Variants in RBFOX1 observed in about 807,000 individuals in gnomAD.
The protein encoded by RBFOX1 is RNA binding protein fox-1 homolog 1.
Under a neutral mutation model 57.7 loss-of-function variants are expected in RBFOX1, and 8 were observed. The ratio of observed to expected loss-of-function variants is 0.14; its 90% CI spans 0.08 to 0.25. The LOEUF (loss-of-function observed/expected upper bound fraction) is 0.25. Ranked by LOEUF, RBFOX1 falls within the 10% of genes least tolerant of loss-of-function variation. RBFOX1 has a pLI of 1.00. For synonymous variants in RBFOX1, 326 were observed against 222.4 expected, an observed-to-expected ratio of 1.47 and a Z score of -4.15; for missense variants, 611 against 548.5, an observed-to-expected ratio of 1.11 and a Z score of -1.14.
chr16:6,344,408 T>TTTTTTTTTTTC, intron 2 of RBFOX1, among the ~76,000 whole-genome samples: 1 of 41,992 alleles, frequency 2.4e-5, no homozygotes, highest in Middle Eastern at 0.013. Flanking sequence ...CTTTTTTTTC[T>TTTTTTTTTTTC]TTTTTTTTTT....
At chr16:6,947,516 G>A (rs2079799472) in intron 3 of RBFOX1, among the ~76,000 whole-genome samples, 1 of 152,172 alleles carries the variant, frequency 6.6e-6, no homozygotes, top group Admixed American at 6.5e-5. Context: ...GCGAAAAAGA[G>A]ATGTGAGATG....
chr16:5,628,928 T>G (rs2048422180), intron 3 of RBFOX1, among the ~76,000 whole-genome samples: 1 of 152,216 alleles, frequency 6.6e-6, no homozygotes, highest in Admixed American at 6.5e-5. Flanking sequence ...CAGGGAATCT[T>G]GTAGCTTTGT....
At chr16:5,375,403 G>A (rs566921910) in intron 1 of RBFOX1, among the ~76,000 whole-genome samples, 1 of 152,266 alleles carries the variant, frequency 6.6e-6, no homozygotes, top group East Asian at 1.9e-4. Flanking sequence ...AATCTCCAGG[G>A]CTTGTGGGAG....
chr16:7,535,813 C>G (rs533756627), intron 5 of RBFOX1, among the ~76,000 whole-genome samples: 2 of 152,180 alleles, frequency 1.3e-5, no homozygotes, highest in African/African-American at 4.8e-5. Flanking sequence ...TTTGAGGGTA[C>G]CACTGTGCCT....
chr16:6,872,952 C>T (rs895270089), intron 3 of RBFOX1, among the ~76,000 whole-genome samples: 3 of 152,066 alleles, frequency 2.0e-5, no homozygotes, highest in Admixed American at 6.6e-5. Context: ...TTTACTTCCC[C>T]GGCCGCAGCT....
At chr16:6,982,722 G>C (rs2089251242) in intron 3 of RBFOX1, among the ~76,000 whole-genome samples, 1 of 152,202 alleles carries the variant, frequency 6.6e-6, no homozygotes, top group African/African-American at 2.4e-5. Context: ...GCCAGGTGCA[G>C]TGGCTCATGC....
chr16:6,039,861 C>G (rs888210108), intron 1 of RBFOX1, among the ~76,000 whole-genome samples: 5 of 152,202 alleles, frequency 3.3e-5, no homozygotes, highest in African/African-American at 1.2e-4. Flanking sequence ...AAGGCTCAGC[C>G]GGGGCTGGAG....
intron 4 of RBFOX1, among the ~76,000 whole-genome samples, chr16:7,349,702 G>A (rs531424883): frequency 1.3e-5 from 2 of 152,214 alleles, no homozygotes; most frequent in African/African-American, 2.4e-5. Flanking sequence ...TGTGTTCACC[G>A]ATTTAGTAAA....
At chr16:7,547,104 A>G (rs1355859687) in intron 5 of RBFOX1, among the ~76,000 whole-genome samples, 3 of 152,110 alleles carry the variant, frequency 2.0e-5, no homozygotes, top group South Asian at 4.1e-4. Context: ...ATGCCTGAAG[A>G]AAGGAGTGAT....
chr16:6,188,172 A>G (rs1337683508), intron 1 of RBFOX1, among the ~76,000 whole-genome samples: 2 of 152,176 alleles, frequency 1.3e-5, no homozygotes, highest in South Asian at 2.1e-4. Context: ...CAGTTGGATA[A>G]AAAATCCATA....
chr16:5,969,426 C>G (rs2059918238), intron 4 of RBFOX1, among the ~76,000 whole-genome samples: 1 of 149,770 alleles, frequency 6.7e-6, no homozygotes. Context: ...ATTCTCCTGC[C>G]TCAGCCTCCC....
chr16:6,817,257 A>G (rs556489202), intron 3 of RBFOX1, among the ~76,000 whole-genome samples: 1 of 152,256 alleles, frequency 6.6e-6, no homozygotes, highest in Admixed American at 6.5e-5. Context: ...CACCCAGGTA[A>G]CATACTTCTG....
rs1009892246 is a variant in RBFOX1, at chr16:5,306,156, A to C, written c.219+66051A>C. On this transcript the variant is annotated intron_variant, in intron 1 of 2. Transcript: ENST00000585867. ...GTTGAGGCTGCGATGAGCCAAGGTC[A>C]TGCCATTGCACTCCAGCCTGGGCGC... 5.3e-5 allele frequency among the ~76,000 whole-genome samples: 8 copies of C among 152,162 alleles called. 1 individual carries two copies. The South Asian group carries it at 1.0e-3, about 20-fold the overall frequency.
chr16:7,115,941 C>A (rs17737130), intron 4 of RBFOX1, among the ~76,000 whole-genome samples: 26,225 of 152,068 alleles, frequency 0.17, 3,027 homozygotes, highest in African/African-American at 0.31. Context: ...TTGGGGGCTT[C>A]ATATTGTATC....
chr16:7,309,518 C>A (rs536895829), intron 4 of RBFOX1, among the ~76,000 whole-genome samples: 25 of 152,284 alleles, frequency 1.6e-4, no homozygotes, highest in Middle Eastern at 3.4e-3. Context: ...CTGCCTTTGC[C>A]CGGCTGGAGA....
At chr16:6,547,867 T>C (rs111821845) in intron 2 of RBFOX1, among the ~76,000 whole-genome samples, 13 of 152,150 alleles carry the variant, frequency 8.5e-5, no homozygotes, top group African/African-American at 2.7e-4. Context: ...AGGAATAGTA[T>C]TTAATTCACA....
intron 11 of RBFOX1, among the ~76,000 whole-genome samples, chr16:7,634,209 A>G (rs1175602372): frequency 6.6e-6 from 1 of 152,184 alleles, no homozygotes; most frequent in Non-Finnish European, 1.5e-5. Context: ...TTTAACTTGA[A>G]AATGCATATG....
intron 2 of RBFOX1, among the ~76,000 whole-genome samples, chr16:6,447,352 C>T (rs575690675): frequency 1.7e-4 from 26 of 152,278 alleles, no homozygotes; most frequent in Admixed American, 1.5e-3. Flanking sequence ...ACAGATCCCT[C>T]AAGACCAACA....
chr16:7,212,497 A>G (rs1270176497), intron 4 of RBFOX1, among the ~76,000 whole-genome samples: 1 of 152,118 alleles, frequency 6.6e-6, no homozygotes. Context: ...AATCAGGTAC[A>G]CCCTAGAGTG....
Sources: allele counts gnomAD v4.1 joint callset (sites outside exome capture counted in the v4.1 genomes callset), GRCh38; gene constraint gnomAD v4.1.1; transcripts MANE v1.5; gene names NCBI Gene and HGNC (gene_info 2026-07-23, HGNC 2026-07-21).